Variants in CEP164 observed in about 807,000 individuals in gnomAD.
The protein encoded by CEP164 is centrosomal protein of 164 kDa.
In CEP164, 162 loss-of-function variants were observed where a neutral mutation model predicts 182.7. That is an observed-to-expected ratio of 0.89 (90% CI 0.78 to 1.01). CEP164 has a LOEUF of 1.01. CEP164 is among the 50% of genes least tolerant of loss of function. CEP164 has a pLI of 0.00. For synonymous variants in CEP164, 661 were observed against 690.0 expected (o/e 0.96, Z 0.66); for missense variants, 1,735 against 1,790.4 (o/e 0.97, Z 0.56).
intron 15 of CEP164, among the ~76,000 whole-genome samples, chr11:117,389,938 C>CTTTTT (rs34794541): frequency 2.1e-5 from 2 of 94,614 alleles, no homozygotes; most frequent in African/African-American, 4.2e-5. Context: ...CAGTAGTTTG[C>CTTTTT]TTTTTTTTTT....
chr11:117,359,643 G>A (rs2040712263), intron 5 of CEP164: 2 of 964,572 alleles, frequency 2.1e-6, no homozygotes, highest in East Asian at 1.1e-4. Context: ...GATTAGGGAG[G>A]ATTGGAATTT....
At position 117,409,566 on chromosome 11, in the gene CEP164, T is replaced by C; in HGVS notation, c.3749-52T>C. 4 of 1,516,314 alleles carry C rather than the reference T, an allele frequency of 2.6e-6. No individual in the cohort carries two copies. The Admixed American group carries it at 6.9e-5, about 26-fold the overall frequency. The allele number at this position is 1,516,314 out of a possible 1,614,324, so 93.9% of individuals were successfully genotyped here. On this transcript the variant is annotated intron_variant, in intron 29 of 32. Coordinates refer to ENST00000278935, the MANE Select transcript of CEP164 (RefSeq NM_014956.5). This position sits in a 1 kb window ranked among gnomAD's most constrained non-coding sequence, Gnocchi z 4.4. The stretch of plus-strand genomic sequence containing the variant: ...CCATGACAGCTGTGTCTGGGAATGG[T>C]CCAGGGTCCTGAGCTTGAGTCCCTT...
At chr11:117,339,771 C>A (rs777145959) in intron 3 of CEP164, among the ~76,000 whole-genome samples, 21 of 151,812 alleles carry the variant, frequency 1.4e-4, no homozygotes, top group Non-Finnish European at 1.5e-4. Context: ...CTCAAGTGAT[C>A]TTCCCACCTC....
intron 15 of CEP164, 142 bp from the exon 16 acceptor site, chr11:117,390,635 C>T: frequency 8.8e-7 from 1 of 1,137,998 alleles, no homozygotes; most frequent in South Asian, 1.5e-5. Flanking sequence ...GAACCTGTCT[C>T]CAAAAAGAAA....
chr11:117,354,142 G>A (rs533615058), intron 5 of CEP164, among the ~76,000 whole-genome samples: 3 of 151,914 alleles, frequency 2.0e-5, no homozygotes, highest in South Asian at 4.2e-4. Flanking sequence ...TCAGCCTTCC[G>A]AGGAGCAGGG....
intron 15 of CEP164, among the ~76,000 whole-genome samples, chr11:117,388,007 C>T (rs1160628304): frequency 2.0e-5 from 3 of 152,212 alleles, no homozygotes; most frequent in African/African-American, 7.2e-5. Context: ...GGTCCTCCAC[C>T]AGGGAGCATC....
At chr11:117,405,144 C>G (rs907679840) in intron 27 of CEP164, among the ~76,000 whole-genome samples, 1 of 152,106 alleles carries the variant, frequency 6.6e-6, no homozygotes, top group East Asian at 1.9e-4. Flanking sequence ...GCTTCAGCCC[C>G]GTTTCCAGAG....
chr11:117,341,453 T>G (rs2038109419), intron 3 of CEP164, among the ~76,000 whole-genome samples: 2 of 151,204 alleles, frequency 1.3e-5, no homozygotes, highest in African/African-American at 2.4e-5. Flanking sequence ...GTTTGTTTGT[T>G]TTTTTTTTGA....
chr11:117,325,608 A>C (rs1259860365), upstream of CEP164, among the ~76,000 whole-genome samples: 1 of 137,684 alleles, frequency 7.3e-6, no homozygotes, highest in Admixed American at 7.2e-5. Flanking sequence ...CTGGTCTCAA[A>C]CTCCTGACCT....
chr11:117,410,701 C>G (rs1256134509), intron 30 of CEP164, 127 bp from the exon 31 acceptor site: 7 of 675,962 alleles, frequency 1.0e-5, no homozygotes, highest in Non-Finnish European at 1.8e-5. Context: ...TCCTGTCTCT[C>G]ACCTGTCTCT....
chr11:117,412,048 A>T (rs749063027), intron 32 of CEP164, 24 bp from the exon 33 acceptor site: 1 of 1,613,448 alleles, frequency 6.2e-7, no homozygotes, highest in East Asian at 2.2e-5. Context: ...CAGCGACTGC[A>T]GTTTTCCTTC....
At chr11:117,322,404 G>A (rs557038663) in intron 1 of CEP164, among the ~76,000 whole-genome samples, 17 of 152,228 alleles carry the variant, frequency 1.1e-4, no homozygotes, top group South Asian at 2.1e-4. Context: ...GTGAGCCACC[G>A]CGCCCGGCCC....
intron 12 of CEP164, 136 bp downstream of exon 12, chr11:117,380,841 C>T (rs1360440905): frequency 2.8e-6 from 2 of 716,126 alleles, no homozygotes; most frequent in African/African-American, 3.5e-5. Context: ...GCTGGATGGC[C>T]TTGCAGGGTC....
intron 27 of CEP164, among the ~76,000 whole-genome samples, chr11:117,407,446 C>T (rs1370810443): frequency 9.7e-6 from 1 of 103,348 alleles, no homozygotes; most frequent in Non-Finnish European, 1.8e-5. Flanking sequence ...CATTGCAAAA[C>T]TCTGTCTCTA....
At chr11:117,329,010 T>G (rs1372647984) in intron 1 of CEP164, among the ~76,000 whole-genome samples, 2 of 152,240 alleles carry the variant, frequency 1.3e-5, no homozygotes, top group South Asian at 4.1e-4. Flanking sequence ...TTGCTTGTGC[T>G]TTCAGGATAA....
upstream of CEP164, among the ~76,000 whole-genome samples, chr11:117,323,438 A>T (rs1489894512): frequency 2.0e-5 from 3 of 150,434 alleles, no homozygotes; most frequent in African/African-American, 7.3e-5. Flanking sequence ...ATTTTTTTTT[A>T]TGGCTGAATG....
intron 5 of CEP164, chr11:117,355,074 G>T: frequency 7.8e-7 from 1 of 1,289,814 alleles, no homozygotes; most frequent in Non-Finnish European, 1.0e-6. Context: ...AAAGGAAAGA[G>T]CCCAGGCATG....
At chr11:117,334,519 C>T (rs1308054585) in intron 1 of CEP164, among the ~76,000 whole-genome samples, 1 of 152,182 alleles carries the variant, frequency 6.6e-6, no homozygotes, top group African/African-American at 2.4e-5. Context: ...GGTGCGGTGG[C>T]TCCTGCCTGT....
chr11:117,342,464 T>C (rs2038260297), intron 3 of CEP164, among the ~76,000 whole-genome samples: 1 of 152,048 alleles, frequency 6.6e-6, no homozygotes, highest in Non-Finnish European at 1.5e-5. Context: ...TTTATCTTTT[T>C]TCCTGTACGT....
Sources: allele counts gnomAD v4.1 joint callset (sites outside exome capture counted in the v4.1 genomes callset), GRCh38; gene constraint gnomAD v4.1.1; non-coding constraint Gnocchi (gnomAD v3.1); transcripts MANE v1.5; gene names NCBI Gene and HGNC (gene_info 2026-07-23, HGNC 2026-07-21).